Variants in MYO1D observed in about 807,000 individuals in gnomAD.
The protein encoded by MYO1D is unconventional myosin-Id.
A neutral mutation model predicts 122.0 loss-of-function variants in MYO1D; 83 were observed. The ratio of observed to expected loss-of-function variants is 0.68; its 90% CI spans 0.57 to 0.82. MYO1D has a LOEUF of 0.82. Ranked by LOEUF, MYO1D falls within the 40% of genes least tolerant of loss-of-function variation. The pLI, the probability that MYO1D is intolerant of heterozygous loss-of-function variation, is 0.00. For synonymous variants in MYO1D, 464 were observed against 446.9 expected, an observed-to-expected ratio of 1.04 and a Z score of -0.48; for missense variants, 1,157 against 1,269.5, an observed-to-expected ratio of 0.91 and a Z score of 1.35.
intron 20 of MYO1D, among the ~76,000 whole-genome samples, chr17:32,629,311 C>T (rs998419510): frequency 3.9e-5 from 6 of 152,100 alleles, no homozygotes; most frequent in African/African-American, 1.2e-4. Context: ...ATACATGACA[C>T]TATACATTTG....
chr17:32,519,670 C>A (rs1480482117), intron 21 of MYO1D, among the ~76,000 whole-genome samples: 1 of 151,830 alleles, frequency 6.6e-6, no homozygotes, highest in African/African-American at 2.4e-5. Context: ...AGCCCGCCTG[C>A]CCGCCCTCCT....
chr17:32,512,389 G>A (rs1444739534), intron 21 of MYO1D, among the ~76,000 whole-genome samples: 1 of 152,046 alleles, frequency 6.6e-6, no homozygotes, highest in Non-Finnish European at 1.5e-5. Context: ...TCTCAAAAAA[G>A]CTCAGAGCCT....
At chr17:32,807,145 TCACAAAAATTAATA>T (rs2090521704) in intron 1 of MYO1D, among the ~76,000 whole-genome samples, 1 of 152,030 alleles carries the variant, frequency 6.6e-6, no homozygotes, top group Non-Finnish European at 1.5e-5. Flanking sequence ...TGGAAAAAAA[TCACAAAAATTAATA>T]CACAATAATC....
intron 21 of MYO1D, among the ~76,000 whole-genome samples, chr17:32,556,025 T>C (rs1236516866): frequency 2.0e-5 from 3 of 152,192 alleles, no homozygotes. Context: ...ATCGAATTAT[T>C]TTTACTCATT....
intron 20 of MYO1D, among the ~76,000 whole-genome samples, chr17:32,623,751 C>T (rs143656055): frequency 1.3e-5 from 2 of 152,170 alleles, no homozygotes; most frequent in South Asian, 2.1e-4. Context: ...TTACTCCTCA[C>T]GGTTCTGGAA....
At chr17:32,860,329 C>T (rs574628345) in intron 1 of MYO1D, among the ~76,000 whole-genome samples, 24 of 152,284 alleles carry the variant, frequency 1.6e-4, no homozygotes, top group African/African-American at 5.8e-4. Context: ...TTCTTTTTAG[C>T]TGCCCCCAAC....
intron 14 of MYO1D, among the ~76,000 whole-genome samples, chr17:32,737,800 C>G (rs1482016772): frequency 6.6e-6 from 1 of 152,200 alleles, no homozygotes; most frequent in African/African-American, 2.4e-5. Context: ...TTTAAAACAG[C>G]CTAAGGACAA....
chr17:32,822,769 T>C (rs541620070), intron 1 of MYO1D, among the ~76,000 whole-genome samples: 49 of 151,064 alleles, frequency 3.2e-4, no homozygotes, highest in Non-Finnish European at 6.2e-4. Flanking sequence ...GCCCGGGGCG[T>C]CCCCGCACCC....
At chr17:32,821,541 TACACACACAC>T (rs34745639) in intron 1 of MYO1D, among the ~76,000 whole-genome samples, 1 of 131,090 alleles carries the variant, frequency 7.6e-6, no homozygotes, top group Non-Finnish European at 1.8e-5. Context: ...AAATCACACA[TACACACACAC>T]ACACACACAC....
At chr17:32,548,126 G>C (rs1275095939) in intron 21 of MYO1D, among the ~76,000 whole-genome samples, 4 of 152,154 alleles carry the variant, frequency 2.6e-5, no homozygotes, top group African/African-American at 9.6e-5. Flanking sequence ...CTGGCCAAAA[G>C]TTTGTCCTCT....
At chr17:32,743,013 AT>A (rs2089790186) in intron 13 of MYO1D, among the ~76,000 whole-genome samples, 3 of 152,140 alleles carry the variant, frequency 2.0e-5, no homozygotes, top group Admixed American at 2.0e-4. Flanking sequence ...TTTTGACAAG[AT>A]TTGATGTAGT....
intron 20 of MYO1D, among the ~76,000 whole-genome samples, chr17:32,621,130 C>T (rs561599079): frequency 6.6e-6 from 1 of 152,022 alleles, no homozygotes; most frequent in African/African-American, 2.4e-5. Flanking sequence ...TGTGTGCCTG[C>T]GTTTTCACTG....
chr17:32,678,809 T>C (rs959753945), intron 16 of MYO1D, among the ~76,000 whole-genome samples: 2 of 150,896 alleles, frequency 1.3e-5, no homozygotes, highest in African/African-American at 5.0e-5. Flanking sequence ...GTATTTCTAG[T>C]TCTAGATCCC....
At chr17:32,715,264 A>T (rs1198173824) in intron 15 of MYO1D, among the ~76,000 whole-genome samples, 1 of 152,186 alleles carries the variant, frequency 6.6e-6, no homozygotes, top group Non-Finnish European at 1.5e-5. Flanking sequence ...TGATTCCTCA[A>T]AGATTTTGAA....
chr17:32,597,696 A>T (rs1567903231), intron 21 of MYO1D, among the ~76,000 whole-genome samples: 2 of 151,596 alleles, frequency 1.3e-5, no homozygotes, highest in Non-Finnish European at 2.9e-5. Flanking sequence ...AAATGGTGAA[A>T]CCCCATCTCT....
chr17:32,843,381 C>T (rs7216206), intron 1 of MYO1D, among the ~76,000 whole-genome samples: 7,981 of 152,060 alleles, frequency 0.052, 645 homozygotes, highest in African/African-American at 0.18. Flanking sequence ...CAAACTCCGA[C>T]GACTAAGGAA....
chr17:32,837,082 C>T (rs2090833234), intron 1 of MYO1D, among the ~76,000 whole-genome samples: 1 of 151,972 alleles, frequency 6.6e-6, no homozygotes, highest in Middle Eastern at 3.4e-3. Flanking sequence ...ATTCTGAATC[C>T]TCACCAATAT....
rs1273582161 is a variant in MYO1D at position 32,672,753 on chromosome 17, T to C, written c.2122-13415A>G. On this transcript the variant is annotated intron_variant, in intron 16 of 21. Coordinates refer to ENST00000318217, the MANE Select transcript of MYO1D (RefSeq NM_015194.3). ...CACCTGCCTCAGCCTCCCAAAGTGC[T>C]TGGATTATAGCCAATCATAAAGTGT... Among the ~76,000 whole-genome samples the C allele has an allele frequency of 2.6e-5, 4 of 152,214 alleles. No individual in the cohort carries two copies. The East Asian group carries it at 5.8e-4, about 22-fold the overall frequency.
chr17:32,686,152 A>G (rs1277223677), intron 16 of MYO1D: 1 of 152,336 alleles, frequency 6.6e-6, no homozygotes, highest in Non-Finnish European at 1.5e-5. Flanking sequence ...ACAAACACAC[A>G]CACACAAAAA....
Sources: gnomAD v4.1 joint callset for allele counts (sites outside exome capture counted in the v4.1 genomes callset) on GRCh38, gnomAD v4.1.1 for gene constraint, MANE v1.5 for transcripts, NCBI Gene and HGNC (gene_info 2026-07-23, HGNC 2026-07-21) for gene names.